Variants in PIK3CD observed in about 807,000 individuals in gnomAD.
The protein encoded by PIK3CD is phosphatidylinositol 4,5-bisphosphate 3-kinase catalytic subunit delta isoform.
Under a neutral mutation model 122.9 loss-of-function variants are expected in PIK3CD, and 20 were observed. That is an observed-to-expected ratio of 0.16 (90% confidence interval 0.11 to 0.24). The LOEUF (loss-of-function observed/expected upper bound fraction) is 0.24. PIK3CD is among the 10% of genes least tolerant of loss of function. The pLI is 1.00. For synonymous variants in PIK3CD, 596 were observed against 593.4 expected (o/e 1.00, Z -0.06); for missense variants, 787 against 1,406.3 (o/e 0.56, Z 7.04).
chr1:9,672,382 G>A (rs1408246415), intron 1 of PIK3CD: 1 of 152,096 alleles, frequency 6.6e-6, no homozygotes, highest in Non-Finnish European at 1.5e-5. Flanking sequence ...GTACCAAAGA[G>A]GATGATGAAC....
chr1:9,655,974 G>T (rs1355971261), intron 1 of PIK3CD, among the ~76,000 whole-genome samples: 1 of 152,200 alleles, frequency 6.6e-6, no homozygotes, highest in Non-Finnish European at 1.5e-5. Context: ...TAGGATTAAA[G>T]GCGTGAGCCA....
At chr1:9,659,582 G>A (rs1254568121) in intron 1 of PIK3CD, among the ~76,000 whole-genome samples, 1 of 152,010 alleles carries the variant, frequency 6.6e-6, no homozygotes, top group African/African-American at 2.4e-5. Context: ...CTGTCTCTGT[G>A]CTTTTGACAA....
chr1:9,634,479 T>C, the PIK3CD span, among the ~76,000 whole-genome samples: 3 of 151,914 alleles, frequency 2.0e-5, no homozygotes, highest in Non-Finnish European at 4.4e-5. Flanking sequence ...TTGTATTTTT[T>C]GTAGAGATGG....
intron 1 of PIK3CD, among the ~76,000 whole-genome samples, chr1:9,668,257 C>G (rs1645222760): frequency 6.6e-6 from 1 of 152,008 alleles, no homozygotes; most frequent in Non-Finnish European, 1.5e-5. Context: ...CGTAGCTCTT[C>G]CACTTCCCAG....
chr1:9,697,560 A>T (rs542001737), intron 2 of PIK3CD, among the ~76,000 whole-genome samples: 139 of 141,516 alleles, frequency 9.8e-4, no homozygotes, highest in African/African-American at 3.7e-3. Context: ...TTATTATTTA[A>T]AAAAAAAAAA....
At chr1:9,705,345 A>G (rs1264638883) in intron 2 of PIK3CD, among the ~76,000 whole-genome samples, 2 of 148,260 alleles carry the variant, frequency 1.3e-5, no homozygotes, top group South Asian at 2.1e-4. Flanking sequence ...AAAAAAAGGA[A>G]AAAAAAAAGG....
Position 9,717,421 on chromosome 1 carries a change from G to C in PIK3CD, c.931-116G>C. On this transcript the variant is annotated intron_variant, in intron 7 of 23. Transcript: ENST00000377346. The surrounding 1 kb of genome is among the most constrained non-coding windows in gnomAD (Gnocchi z 5.4). Reference sequence around the variant, plus strand: ...TAGCATTGTGGACAGGCCCAAACCTGGCCGCAAACCTGTGACCCTCTCACC... The same window carrying C: ...TAGCATTGTGGACAGGCCCAAACCTCGCCGCAAACCTGTGACCCTCTCACC... The C allele has an allele frequency of 9.4e-7, 1 of 1,063,602 alleles. No homozygotes were observed. Among genetic ancestry groups the C allele is most frequent in the South Asian group, 1.3e-5 (1 of 78,840 alleles). The allele number at this position is 1,063,602 out of a possible 1,614,324, so 65.9% of individuals were successfully genotyped here. A position where few individuals can be genotyped will look rare whatever the true frequency, so the allele number is the denominator to read the frequency against.
chr1:9,696,576 AC>A (rs1225881469), intron 2 of PIK3CD, among the ~76,000 whole-genome samples: 1 of 151,716 alleles, frequency 6.6e-6, no homozygotes, highest in African/African-American at 2.4e-5. Context: ...ACATAGTGAG[AC>A]CCCATCTCTA....
chr1:9,689,975 C>T lies in PIK3CD; in HGVS notation c.-137-1492C>T, dbSNP rs1029615801. On this transcript the variant is annotated intron_variant, in intron 1 of 23. Transcript: ENST00000377346. This position sits in a 1 kb window ranked among gnomAD's most constrained non-coding sequence, Gnocchi z 6.1. ...AATCTGGTTGCTTCCTTTTGTGCCC[C>T]CCGGGGGTCAGGAATCCCAGGTTTC... 6.6e-6 allele frequency among the ~76,000 whole-genome samples: 1 copy of T among 152,212 alleles called. No homozygotes were observed. Among genetic ancestry groups the T allele is most frequent in the African/African-American group, 2.4e-5 (1 of 41,466 alleles).
At chr1:9,654,998 T>G (rs1570048346) in intron 1 of PIK3CD, among the ~76,000 whole-genome samples, 1 of 141,354 alleles carries the variant, frequency 7.1e-6, no homozygotes, top group Admixed American at 7.4e-5. Flanking sequence ...ATCCGGGAGG[T>G]GGAGGTTGCA....
intron 23 of PIK3CD, among the ~76,000 whole-genome samples, chr1:9,725,672 T>A (rs916679286): frequency 2.0e-5 from 3 of 149,754 alleles, no homozygotes; most frequent in African/African-American, 7.4e-5. Context: ...AGGTCAGGAG[T>A]TCGAGATCAG....
chr1:9,696,339 A>G (rs1327544672), intron 2 of PIK3CD, among the ~76,000 whole-genome samples: 1 of 152,048 alleles, frequency 6.6e-6, no homozygotes, highest in Non-Finnish European at 1.5e-5. Flanking sequence ...TGTAATCCCA[A>G]CACTTTGGAG....
intron 1 of PIK3CD, among the ~76,000 whole-genome samples, chr1:9,659,214 G>A (rs1644943991): frequency 6.6e-6 from 1 of 152,046 alleles, no homozygotes; most frequent in Non-Finnish European, 1.5e-5. Context: ...ATGCACGCGG[G>A]GCTTAATACC....
chr1:9,639,071 A>G, the PIK3CD span, among the ~76,000 whole-genome samples: 2 of 152,050 alleles, frequency 1.3e-5, no homozygotes, highest in African/African-American at 2.4e-5. Flanking sequence ...CCGGCCTGGG[A>G]TTAGGATTTG....
the PIK3CD span, among the ~76,000 whole-genome samples, chr1:9,645,385 C>CAA: frequency 6.6e-6 from 1 of 151,994 alleles, no homozygotes; most frequent in Non-Finnish European, 1.5e-5. Context: ...TGATAAGTCC[C>CAA]TAGGGTCACG....
chr1:9,653,808 C>T lies in PIK3CD; in HGVS notation c.-138+2006C>T, dbSNP rs1365657534. On this transcript the variant is annotated intron_variant, in intron 1 of 23. Coordinates refer to ENST00000377346, the MANE Select transcript of PIK3CD (RefSeq NM_005026.5). ...TTCTTGATATTAGGATTCCAGCCAT[C>T]TTGGCTGGTGAGAGGCCTGCTGGCG... The T allele has an allele frequency of 2.2e-6, 3 of 1,367,116 alleles. No individual in the cohort carries two copies. The East Asian group carries it at 1.4e-4, about 62-fold the overall frequency. 84.7% of individuals were successfully genotyped at this position (1,367,116 alleles called of 1,614,324 possible).
chr1:9,723,186 C>T lies in PIK3CD; in HGVS notation c.2488C>T (p.Arg830Cys), dbSNP rs554743340. The T allele has an allele frequency of 7.4e-6, 12 of 1,613,708 alleles. No individual in the cohort carries two copies. Among genetic ancestry groups the T allele is most frequent in the South Asian group, 1.1e-5 (1 of 91,086 alleles). Residue 830 changes from arginine to cysteine, a missense_variant, in exon 20 of 24, where the codon CGT becomes TGT. Physicochemically the swap from Arg to Cys is radical, Grantham distance 180. Transcript: ENST00000377346. The surrounding 1 kb of genome is among the most constrained non-coding windows in gnomAD (Gnocchi z 4.9). ...DRTGLIEVVL[R>C]SDTIANIQLN... Reference sequence around the variant, plus strand: ...CACAGGCCTCATTGAGGTGGTACTCCGTTCAGACACCATCGCCAACATCCA... The same window carrying T: ...CACAGGCCTCATTGAGGTGGTACTCTGTTCAGACACCATCGCCAACATCCA...
intron 2 of PIK3CD, among the ~76,000 whole-genome samples, chr1:9,698,344 G>A (rs1646498436): frequency 6.6e-6 from 1 of 152,166 alleles, no homozygotes; most frequent in Non-Finnish European, 1.5e-5. Flanking sequence ...GTTTCACCAC[G>A]TTGGTCAGGC....
intron 1 of PIK3CD, among the ~76,000 whole-genome samples, chr1:9,669,796 G>T (rs900926146): frequency 6.6e-6 from 1 of 152,086 alleles, no homozygotes; most frequent in Non-Finnish European, 1.5e-5. Context: ...GGTCTCAAAT[G>T]AACTACTTCA....
Sources: gnomAD v4.1 joint callset for allele counts (sites outside exome capture counted in the v4.1 genomes callset) on GRCh38, gnomAD v4.1.1 for gene constraint, Gnocchi (gnomAD v3.1) non-coding constraint, MANE v1.5 for transcripts, NCBI Gene and HGNC (gene_info 2026-07-23, HGNC 2026-07-21) for gene names.